Variants in ZNF564 observed in about 807,000 individuals in gnomAD.
ZNF564 encodes the protein zinc finger protein 564.
A neutral mutation model predicts 10.5 loss-of-function variants in ZNF564; 5 were observed. The ratio of observed to expected loss-of-function variants is 0.48; its 90% CI spans 0.25 to 1.00. The LOEUF is 1.00. Ranked by LOEUF, ZNF564 falls within the 50% of genes least tolerant of loss-of-function variation. The pLI is 0.16. For missense variants in ZNF564, 603 were observed against 669.7 expected, an observed-to-expected ratio of 0.90 and a Z score of 1.10; for synonymous variants, 242 against 218.1, an observed-to-expected ratio of 1.11 and a Z score of -0.97.
Position 12,526,333 on chromosome 19 carries a change from A to G in ZNF564, c.*113T>C. The G allele has an allele frequency of 8.8e-7, 1 of 1,135,962 alleles. No individual in the cohort carries two copies. Among genetic ancestry groups the G allele is most frequent in the Non-Finnish European group, 1.2e-6 (1 of 806,358 alleles). The allele number at this position is 1,135,962 out of a possible 1,614,324, so 70.4% of individuals were successfully genotyped here. A position where few individuals can be genotyped will look rare whatever the true frequency, so the allele number is the denominator to read the frequency against. On this transcript the variant is annotated 3_prime_UTR_variant, in exon 4 of 4. Coordinates refer to ENST00000339282, the MANE Select transcript of ZNF564 (RefSeq NM_144976.4). ...CACAGGATAGAGATTCCTATTCCAA[A>G]AGTGAGAAACAGGAGAAAGGGGTGA...
At chr19:12,543,684 A>C (rs1282845655) in intron 1 of ZNF564, among the ~76,000 whole-genome samples, 1 of 148,882 alleles carries the variant, frequency 6.7e-6, no homozygotes, top group African/African-American at 2.4e-5. Context: ...AAAAAAAAAA[A>C]AAAAAAAAAA....
intron 1 of ZNF564, among the ~76,000 whole-genome samples, chr19:12,532,133 G>C: frequency 6.6e-6 from 1 of 152,090 alleles, no homozygotes; most frequent in Non-Finnish European, 1.5e-5. Flanking sequence ...AGGATCACCT[G>C]AGACCAGGAG....
At chr19:12,541,538 C>CT (rs2022049214) in intron 1 of ZNF564, 1 of 149,798 alleles carries the variant, frequency 6.7e-6, no homozygotes, top group Non-Finnish European at 1.5e-5. Flanking sequence ...GATGGAGACT[C>CT]TGTCTCAAAA....
Position 12,535,539 on chromosome 19 carries a change from T to C in ZNF564, c.4-6843A>G, listed in dbSNP as rs1447475149. Among the ~76,000 whole-genome samples the C allele has an allele frequency of 2.6e-5, 4 of 152,164 alleles. No homozygotes were observed. The East Asian group carries it at 5.8e-4, about 22-fold the overall frequency. ...AGGATGCAAAGGGCAGATGAATGAA[T>C]GTGTAAACTATAGGTGATTTTTAGG... On this transcript the variant is annotated intron_variant, in intron 1 of 3. Coordinates refer to ENST00000339282, the MANE Select transcript of ZNF564 (RefSeq NM_144976.4).
At chr19:12,532,011 C>T (rs1307899055) in intron 1 of ZNF564, among the ~76,000 whole-genome samples, 2 of 152,074 alleles carry the variant, frequency 1.3e-5, no homozygotes, top group East Asian at 3.9e-4. Context: ...AGAAACATGG[C>T]ATGGCTATCT....
intron 1 of ZNF564, among the ~76,000 whole-genome samples, chr19:12,547,612 C>T (rs985031022): frequency 1.7e-4 from 26 of 152,078 alleles, no homozygotes; most frequent in African/African-American, 6.3e-4. Flanking sequence ...CCCAGCTTCC[C>T]AGTGGTCTGT....
In ZNF564 at chr19:12,526,558, G is replaced by A. The variant is rs971948498; in HGVS notation, c.1550C>T (p.Ser517Phe). 38 of 1,614,110 alleles carry A rather than the reference G, an allele frequency of 2.4e-5. No homozygotes were observed. Among genetic ancestry groups the A allele is most frequent in the Non-Finnish European group, 3.2e-5 (38 of 1,180,014 alleles). ...CKQCGKTFSY[S>F]SSFQRHERAH... ...TCTTTCATGTCTTTGAAAGGAACTG[G>A]AATAACTGAACGTTTTTCCACATTG... Residue 517 changes from serine (S) to phenylalanine (F), a missense_variant, in exon 4 of 4, where the codon TCC becomes TTC. Ser to Phe is a radical substitution (Grantham distance 155). Transcript: ENST00000339282.
At chr19:12,537,440 G>T (rs1444740501) in intron 1 of ZNF564, among the ~76,000 whole-genome samples, 3 of 152,092 alleles carry the variant, frequency 2.0e-5, no homozygotes, top group Non-Finnish European at 2.9e-5. Flanking sequence ...AAAGTATATG[G>T]AAGACAATGT....
chr19:12,548,085 G>T, intron 1 of ZNF564: 1 of 875,296 alleles, frequency 1.1e-6, no homozygotes, highest in Non-Finnish European at 1.4e-6. Flanking sequence ...TGGGATTACA[G>T]GCATGAGCCA....
chr19:12,539,064 C>T (rs775485023), intron 1 of ZNF564, among the ~76,000 whole-genome samples: 14 of 148,992 alleles, frequency 9.4e-5, no homozygotes, highest in Admixed American at 5.4e-4. Context: ...CCAGTCTCTA[C>T]TAAAAAAATT....
chr19:12,528,580 C>G lies in ZNF564; in HGVS notation c.120G>C (p.Leu40=). 5.0e-6 allele frequency: 8 copies of G among 1,613,362 alleles called. No homozygotes were observed. Among genetic ancestry groups the G allele is most frequent in the Non-Finnish European group, 6.8e-6 (8 of 1,179,836 alleles). Reference sequence around the variant, plus strand: ...TGATGTCATCCTTACCTACACAGGCCAGGTTTCTAAAGGTTTCCCGCATCA... The same window carrying G: ...TGATGTCATCCTTACCTACACAGGCGAGGTTTCTAAAGGTTTCCCGCATCA... ...RDVMRETFRN[L]ACVGKKWEDQ... is the part of the protein sequence containing the mutation. Residue 40 remains leucine (L), a synonymous_variant, in exon 2 of 4, where the codon CTG becomes CTC. Transcript: ENST00000339282.
intron 1 of ZNF564, chr19:12,548,089 TG>T (rs2145098330): frequency 1.2e-5 from 11 of 890,196 alleles, no homozygotes; most frequent in Non-Finnish European, 1.5e-5. Context: ...ATTACAGGCA[TG>T]AGCCACCACG....
intron 1 of ZNF564, among the ~76,000 whole-genome samples, chr19:12,537,570 C>T (rs2021941992): frequency 1.3e-5 from 2 of 151,946 alleles, no homozygotes; most frequent in African/African-American, 4.8e-5. Flanking sequence ...GAAACCCTGT[C>T]TCTACTAAAA....
At chr19:12,532,213 C>A (rs2021816354) in intron 1 of ZNF564, among the ~76,000 whole-genome samples, 2 of 142,712 alleles carry the variant, frequency 1.4e-5, no homozygotes, top group African/African-American at 5.3e-5. Context: ...ACAGCGAGAC[C>A]TTCATCTCTA....
intron 1 of ZNF564, 82 bp downstream of exon 1, chr19:12,551,248 C>T (rs2022254188): frequency 1.3e-6 from 2 of 1,490,872 alleles, no homozygotes; most frequent in African/African-American, 2.8e-5. Context: ...TGCAGGGAGG[C>T]CAGGGTGCTT....
At chr19:12,549,605 G>A (rs2022215191) in intron 1 of ZNF564, among the ~76,000 whole-genome samples, 1 of 152,218 alleles carries the variant, frequency 6.6e-6, no homozygotes, top group Non-Finnish European at 1.5e-5. Flanking sequence ...AACAGCCTAA[G>A]ATTGGGTAAC....
intron 1 of ZNF564, chr19:12,548,850 CA>C: frequency 1.4e-6 from 1 of 702,880 alleles, no homozygotes; most frequent in Non-Finnish European, 2.6e-6. Context: ...TCCATTACGA[CA>C]AAATCTCTAC....
In ZNF564 at chr19:12,527,555, G is replaced by A. The variant is rs759960862; in HGVS notation, c.553C>T (p.Arg185Ter). The A allele has an allele frequency of 7.4e-6, 12 of 1,613,884 alleles. No individual in the cohort carries two copies. Among genetic ancestry groups the A allele is most frequent in the African/African-American group, 1.3e-5 (1 of 74,834 alleles). ...CCAGTGTGCTTAATCATGTGTCTTCGAACACTTGGGAGAGAAATGAAGGCT... is the reference window on the plus strand; with the variant it reads ...CCAGTGTGCTTAATCATGTGTCTTCAAACACTTGGGAGAGAAATGAAGGCT... The part of the protein sequence containing the change: ...GKAFISLPSV[R>*]RHMIKHTGDG... Residue 185 changes from arginine to a stop codon, truncating the protein, a stop_gained, in exon 4 of 4, where the codon CGA (arginine) becomes TGA (stop). Coordinates refer to ENST00000339282, the MANE Select transcript of ZNF564 (RefSeq NM_144976.4). LOFTEE classifies it low-confidence loss of function (END_TRUNC).
chr19:12,535,574 C>G (rs552823548), intron 1 of ZNF564, among the ~76,000 whole-genome samples: 2 of 152,088 alleles, frequency 1.3e-5, no homozygotes, highest in Non-Finnish European at 2.9e-5. Context: ...GGCAGTGAAA[C>G]TACCCTAACA....
Sources: gnomAD v4.1 joint callset for allele counts (sites outside exome capture counted in the v4.1 genomes callset) on GRCh38, gnomAD v4.1.1 for gene constraint, MANE v1.5 for transcripts, NCBI Gene and HGNC (gene_info 2026-07-23, HGNC 2026-07-21) for gene names.